The following ZNF600 variants were observed in gnomAD, a reference collection of about 807,000 sequenced individuals.
ZNF600 encodes zinc finger protein 600.
Under a neutral mutation model 7.3 loss-of-function variants are expected in ZNF600, and 4 were observed. The observed-to-expected ratio is 0.55, with a 90% CI of 0.27 to 1.25. The LOEUF is 1.25. Ranked by LOEUF, ZNF600 falls within the 50% of genes most tolerant of loss-of-function variation. The pLI is 0.12. For synonymous variants in ZNF600, 290 were observed against 308.9 expected (o/e 0.94, Z 0.64); for missense variants, 911 against 922.1 (o/e 0.99, Z 0.16).
the ZNF600 span, among the ~76,000 whole-genome samples, chr19:52,792,986 T>A: frequency 6.6e-6 from 1 of 151,840 alleles, no homozygotes; most frequent in African/African-American, 2.4e-5. Context: ...TCCACCCACC[T>A]CGGCCTCCCA....
At chr19:52,810,904 T>C in the ZNF600 span, among the ~76,000 whole-genome samples, 985 of 6,072 alleles carry the variant, frequency 0.16, 56 homozygotes, top group Middle Eastern at 0.3. Context: ...TCCCCCTCCC[T>C]CTCCCTCTCC....
At chr19:52,818,361 G>A in the ZNF600 span, among the ~76,000 whole-genome samples, 1 of 152,160 alleles carries the variant, frequency 6.6e-6, no homozygotes, top group African/African-American at 2.4e-5. Context: ...AGGATCACTT[G>A]AGCTCAGAAG....
the ZNF600 span, chr19:52,799,604 T>G: frequency 1.9e-6 from 3 of 1,600,144 alleles, no homozygotes; most frequent in Admixed American, 1.7e-5. Context: ...CATTACACTT[T>G]TAAGGTTTCT....
the ZNF600 span, chr19:52,809,849 T>C: frequency 1.0e-4 from 60 of 581,414 alleles, no homozygotes; most frequent in Non-Finnish European, 1.7e-4. Flanking sequence ...GTGGCGGTGG[T>C]GGCAGTAGCA....
chr19:52,822,307 A>G, the ZNF600 span, among the ~76,000 whole-genome samples: 2 of 152,022 alleles, frequency 1.3e-5, no homozygotes, highest in Non-Finnish European at 2.9e-5. Flanking sequence ...CCTGACTTCA[A>G]GTGATCCGAC....
At chr19:52,819,523 C>T in the ZNF600 span, among the ~76,000 whole-genome samples, 146 of 68,362 alleles carry the variant, frequency 2.1e-3, 25 homozygotes, top group East Asian at 8.4e-3. Flanking sequence ...ATTTCAGTGG[C>T]CAGGGTCACT....
chr19:52,783,812 C>G (rs1439449305), intron 1 of ZNF600, among the ~76,000 whole-genome samples: 1 of 151,894 alleles, frequency 6.6e-6, no homozygotes, highest in East Asian at 1.9e-4. Flanking sequence ...GTTTTTTAGA[C>G]GGAGTTTCGC....
the ZNF600 span, chr19:52,814,265 GTGA>G: frequency 6.9e-6 from 1 of 145,920 alleles, no homozygotes; most frequent in Non-Finnish European, 1.5e-5. Flanking sequence ...TACACATCGT[GTGA>G]TGTTTAAATA....
chr19:52,781,392 T>C (rs113860718), intron 1 of ZNF600: 8,251 of 151,856 alleles, frequency 0.054, 702 homozygotes, highest in African/African-American at 0.19. Context: ...TGTTCTGAGG[T>C]GAGGAGGAAG....
At chr19:52,775,093 T>TCAGG (rs2062663140) in intron 2 of ZNF600, among the ~76,000 whole-genome samples, 2 of 151,678 alleles carry the variant, frequency 1.3e-5, no homozygotes, top group Non-Finnish European at 2.9e-5. Flanking sequence ...TATAAAAATT[T>TCAGG]GTCAGGCATG....
the ZNF600 span, chr19:52,810,712 A>C: frequency 2.6e-6 from 2 of 778,888 alleles, no homozygotes; most frequent in Non-Finnish European, 2.3e-6. Context: ...TTACTAAAAA[A>C]AATGTGTATT....
At chr19:52,799,014 A>G in the ZNF600 span, 1 of 777,480 alleles carries the variant, frequency 1.3e-6, no homozygotes, top group Non-Finnish European at 2.0e-6. Flanking sequence ...CAAACCTTAC[A>G]TTTGTATGTT....
chr19:52,810,942 C>T, the ZNF600 span, among the ~76,000 whole-genome samples: 12 of 129,364 alleles, frequency 9.3e-5, no homozygotes, highest in Admixed American at 7.9e-4. Context: ...GATGCCGAGC[C>T]AAAGCTGGAC....
chr19:52,765,445 T>A (rs2062561052), exon 4 of ZNF600: 1 of 1,240,650 alleles, frequency 8.1e-7, no homozygotes, highest in Non-Finnish European at 1.2e-6. Context: ...CCAGTATGAG[T>A]GTGTCAATGA....
chr19:52,769,978 CAAGT>C (rs535712744), intron 3 of ZNF600, among the ~76,000 whole-genome samples: 137 of 152,180 alleles, frequency 9.0e-4, no homozygotes, highest in African/African-American at 3.0e-3. Flanking sequence ...AACCAGCAAG[CAAGT>C]AAGTACATTT....
At chr19:52,766,798 G>A in exon 4 of ZNF600, 2 of 1,614,094 alleles carry the variant, frequency 1.2e-6, no homozygotes, top group East Asian at 2.2e-5. Flanking sequence ...ATTCTCTTAT[G>A]TGACTCAAGG....
chr19:52,774,968 G>A (rs561045219), intron 2 of ZNF600, among the ~76,000 whole-genome samples: 1 of 152,276 alleles, frequency 6.6e-6, no homozygotes, highest in Non-Finnish European at 1.5e-5. Context: ...GGCCAGGCAT[G>A]GTGGTTCACA....
At chr19:52,799,561 G>C in the ZNF600 span, 1 of 1,505,972 alleles carries the variant, frequency 6.6e-7, no homozygotes, top group Admixed American at 1.8e-5. Context: ...TGACTTACAA[G>C]GGTTGAATTG....
the ZNF600 span, among the ~76,000 whole-genome samples, chr19:52,831,733 C>T: frequency 2.6e-5 from 4 of 151,824 alleles, no homozygotes; most frequent in Non-Finnish European, 5.9e-5. Context: ...CTCGATCTCC[C>T]GACCTCATGA....
Sources: gnomAD v4.1 joint callset for allele counts (sites outside exome capture counted in the v4.1 genomes callset) on GRCh38, gnomAD v4.1.1 for gene constraint, MANE v1.5 for transcripts, NCBI Gene and HGNC (gene_info 2026-07-23, HGNC 2026-07-21) for gene names.